ADARB1: variants seen among roughly 807,000 people sequenced by gnomAD.
ADARB1 encodes double-stranded RNA-specific editase 1.
A neutral mutation model predicts 52.4 loss-of-function variants in ADARB1; 10 were observed. The ratio of observed to expected loss-of-function variants is 0.19; its 90% CI spans 0.12 to 0.32. The LOEUF (loss-of-function observed/expected upper bound fraction) is 0.32, where lower values mean the gene tolerates loss of function less well. ADARB1 is among the 10% of genes least tolerant of loss of function. ADARB1 has a pLI of 1.00. For missense variants in ADARB1, 643 were observed against 922.3 expected (o/e 0.70, Z 3.92); for synonymous variants, 349 against 371.1 (o/e 0.94, Z 0.68).
At chr21:45,171,498 G>T (rs1046172359) in intron 2 of ADARB1, 112 bp from the exon 3 acceptor site, 1 of 710,820 alleles carries the variant, frequency 1.4e-6, no homozygotes, top group Non-Finnish European at 2.4e-6. Flanking sequence ...CTTATTTTAT[G>T]ATTTTTTTCC....
intron 1 of ADARB1, among the ~76,000 whole-genome samples, chr21:45,082,919 G>C (rs146031312): frequency 6.6e-6 from 1 of 152,172 alleles, no homozygotes; most frequent in Non-Finnish European, 1.5e-5. Context: ...GTCCCCCTGC[G>C]GCCTTCTTTC....
chr21:45,094,465 A>G (rs2086675962), intron 1 of ADARB1, among the ~76,000 whole-genome samples: 1 of 152,156 alleles, frequency 6.6e-6, no homozygotes, highest in South Asian at 2.1e-4. Flanking sequence ...GGTTTTGGGG[A>G]GATACATTTG....
intron 2 of ADARB1, chr21:45,144,652 A>G (rs919180892): frequency 6.6e-6 from 3 of 454,414 alleles, no homozygotes; most frequent in African/African-American, 6.0e-5. Flanking sequence ...AAATGGGAAG[A>G]AAAAGGAAGA....
chr21:45,111,092 TGAGTGAAGCATTGCA>T (rs2145753437), intron 1 of ADARB1, among the ~76,000 whole-genome samples: 1 of 152,232 alleles, frequency 6.6e-6, no homozygotes, highest in African/African-American at 2.4e-5. Context: ...AAGGCGCAGC[TGAGTGAAGCATTGCA>T]GAGCCCGCCA....
At chr21:45,106,144 CCTTTAATGCAA>C (rs2087245440) in intron 1 of ADARB1, among the ~76,000 whole-genome samples, 1 of 7,190 alleles carries the variant, frequency 1.4e-4, no homozygotes, top group African/African-American at 2.8e-4. Context: ...CCTTTCTTTG[CCTTTAATGCAA>C]TTGTATCTTG....
intron 1 of ADARB1, among the ~76,000 whole-genome samples, chr21:45,082,686 G>A (rs1264959984): frequency 6.6e-6 from 1 of 152,126 alleles, no homozygotes; most frequent in Non-Finnish European, 1.5e-5. Context: ...TGTCAGACAT[G>A]GTAAAGTGAG....
chr21:45,098,139 C>A (rs974917576), intron 1 of ADARB1, among the ~76,000 whole-genome samples: 4 of 152,206 alleles, frequency 2.6e-5, no homozygotes, highest in Non-Finnish European at 5.9e-5. Flanking sequence ...TCCACGTCTC[C>A]CTGCTGTCCA....
chr21:45,119,246 T>C (rs437286), intron 1 of ADARB1, among the ~76,000 whole-genome samples: 131,563 of 152,150 alleles, frequency 0.86, 57,025 homozygotes, highest in Non-Finnish European at 0.9. Context: ...ACGTGCCACA[T>C]TGACTGATTA....
intron 9 of ADARB1, among the ~76,000 whole-genome samples, chr21:45,211,335 T>A (rs1229437674): frequency 2.0e-5 from 3 of 152,218 alleles, no homozygotes; most frequent in Admixed American, 2.0e-4. Flanking sequence ...GCATGGCCTG[T>A]ATCATCCTCA....
rs768042266 is a variant in ADARB1 at position 45,128,694 on chromosome 21, C to G, written c.-48+121C>G. 6.6e-5 allele frequency: 10 copies of G among 152,210 alleles called. No homozygotes were observed. The highest frequency in any genetic ancestry group is 1.3e-4 in the Non-Finnish European group (9 of 68,048). The allele number at this position is 152,210 out of a possible 1,614,324, so 9.4% of individuals were successfully genotyped here. A position where few individuals can be genotyped will look rare whatever the true frequency, so the allele number is the denominator to read the frequency against. On this transcript the variant is annotated intron_variant, in intron 2 of 10. Coordinates refer to ENST00000348831, the MANE Select transcript of ADARB1 (RefSeq NM_001112.4). The surrounding 1 kb of genome is among the most constrained non-coding windows in gnomAD (Gnocchi z 4.6). ...TGAAAGATGCTTTATTGAATACTTC[C>G]CGGCACAGATGATCTGTTACTGTTG...
chr21:45,152,225 A>AT (rs1160511897), intron 2 of ADARB1, among the ~76,000 whole-genome samples: 2 of 148,372 alleles, frequency 1.3e-5, no homozygotes, highest in African/African-American at 2.5e-5. Context: ...TTATTGATAG[A>AT]TTTTTTGTAT....
At chr21:45,103,745 G>A (rs1274484350) in intron 1 of ADARB1, among the ~76,000 whole-genome samples, 1 of 152,038 alleles carries the variant, frequency 6.6e-6, no homozygotes, top group African/African-American at 2.4e-5. Context: ...AAATGGGTGT[G>A]GGGTCTGTGG....
At chr21:45,079,901 G>C (rs1201585514) in intron 1 of ADARB1, among the ~76,000 whole-genome samples, 1 of 152,194 alleles carries the variant, frequency 6.6e-6, no homozygotes, top group South Asian at 2.1e-4. Context: ...AGAGGAGCAG[G>C]AGATGAGGAA....
At chr21:45,192,186 T>G (rs2092318741) in intron 8 of ADARB1, among the ~76,000 whole-genome samples, 1 of 152,056 alleles carries the variant, frequency 6.6e-6, no homozygotes, top group Non-Finnish European at 1.5e-5. Flanking sequence ...AAGAGTCAGC[T>G]AATGCAGTCA....
rs1048606477 is a variant in ADARB1, at chr21:45,223,146, T to A, written c.*949T>A. ...TTCCTTCCTCTGAATCGAATGGATG[T>A]GGGTGACCGCCCGAAGGCCTTCACA... On this transcript the variant is annotated 3_prime_UTR_variant, in exon 11 of 11. Transcript: ENST00000348831. The A allele has an allele frequency of 3.0e-6, 3 of 985,390 alleles. No individual in the cohort carries two copies. In the African/African-American group the frequency reaches 5.2e-5, roughly 17 times the overall value. The allele number at this position is 985,390 out of a possible 1,614,324, so 61.0% of individuals were successfully genotyped here.
intron 2 of ADARB1, among the ~76,000 whole-genome samples, chr21:45,139,411 A>G (rs1476320248): frequency 6.6e-6 from 1 of 151,418 alleles, no homozygotes; most frequent in Admixed American, 6.6e-5. Context: ...CTTTTTCCTG[A>G]TTTCCTTGAT....
In ADARB1 at chr21:45,176,496, G is replaced by A. The variant is rs1270465065; in HGVS notation, c.795G>A (p.Met265Ile). 1 of 1,614,216 alleles carries A rather than the reference G, an allele frequency of 6.2e-7. No individual in the cohort carries two copies. The highest frequency in any genetic ancestry group is 1.1e-5 in the South Asian group (1 of 91,076). ...AGAGCCATGCCAAGAGCTTCGTCAT[G>A]TCTGTGGTCGTGGATGGTCAGTTCT... ...SGESHAKSFV[M>I]SVVVDGQFFE... Residue 265 changes from methionine to isoleucine, a missense_variant, in exon 4 of 11, where the codon ATG becomes ATA. Around this residue, in one of 2 missense-constraint regions of ADARB1, gnomAD observed 380 missense variants for 446.5 expected, o/e 0.85. Coordinates refer to ENST00000348831, the MANE Select transcript of ADARB1 (RefSeq NM_001112.4). This position sits in a 1 kb window ranked among gnomAD's most constrained non-coding sequence, Gnocchi z 5.8.
rs564313729 is a variant in ADARB1, at chr21:45,111,927, G to T, written c.-219-16475G>T. 3.3e-5 allele frequency among the ~76,000 whole-genome samples: 5 copies of T among 152,358 alleles called. No homozygotes were observed. In the South Asian group the frequency reaches 1.0e-3, roughly 32 times the overall value. ...ACTTCAGCGTGAGTGGGTGATGCTG[G>T]CATGGTGCCTGGTTGGGCACTCAAC... On this transcript the variant is annotated intron_variant, in intron 1 of 10. Coordinates refer to ENST00000348831, the MANE Select transcript of ADARB1 (RefSeq NM_001112.4).
chr21:45,204,591 C>T lies in ADARB1; in HGVS notation c.1602C>T (p.Ser534=). 6.2e-7 allele frequency: 1 copy of T among 1,614,180 alleles called. No homozygotes were observed. Among genetic ancestry groups the T allele is most frequent in the Middle Eastern group, 1.6e-4 (1 of 6,062 alleles). ...NVVGIQGSLL[S]IFVEPIYFSS... is the part of the protein sequence containing the mutation. ...TGGGCATCCAGGGATCCCTGCTCAG[C>T]ATTTTCGTGGAGCCCATTTACTTCT... The change falls in exon 9 of 11, where the codon AGC becomes AGT. Residue 534 remains serine (S), a synonymous_variant. Coordinates refer to ENST00000348831, the MANE Select transcript of ADARB1 (RefSeq NM_001112.4). The surrounding 1 kb of genome is among the most constrained non-coding windows in gnomAD (Gnocchi z 4.4).
Sources: allele counts gnomAD v4.1 joint callset (sites outside exome capture counted in the v4.1 genomes callset), GRCh38; gene constraint gnomAD v4.1.1; regional missense constraint gnomAD v4.1.1; non-coding constraint Gnocchi (gnomAD v3.1); transcripts MANE v1.5; gene names NCBI Gene and HGNC (gene_info 2026-07-23, HGNC 2026-07-21).